SCD5: variants seen among roughly 807,000 people sequenced by gnomAD.
The protein encoded by SCD5 is acyl-CoA-desaturase 4.
SCD5 carries 20 observed loss-of-function variants against 30.4 expected under a neutral mutation model. The observed-to-expected ratio is 0.66, with a 90% CI of 0.46 to 0.96. The LOEUF (loss-of-function observed/expected upper bound fraction) is 0.96, where lower values mean the gene tolerates loss of function less well. Among genes scored for constraint, SCD5 ranks in the 40% least tolerant of loss-of-function variants. The pLI, the probability that SCD5 is intolerant of heterozygous loss-of-function variation, is 0.00. For missense variants in SCD5, 381 were observed against 443.3 expected, an observed-to-expected ratio of 0.86 and a Z score of 1.26; for synonymous variants, 173 against 176.4, an observed-to-expected ratio of 0.98 and a Z score of 0.16.
At chr4:82,776,563 G>A (rs1362715759) in intron 1 of SCD5, among the ~76,000 whole-genome samples, 6 of 152,148 alleles carry the variant, frequency 3.9e-5, no homozygotes, top group Admixed American at 2.0e-4. Context: ...CAAAGCATCC[G>A]AGGATTCACA....
chr4:82,723,399 G>A (rs1024212602), intron 1 of SCD5, among the ~76,000 whole-genome samples: 1 of 152,172 alleles, frequency 6.6e-6, no homozygotes, highest in Non-Finnish European at 1.5e-5. Context: ...TTGGGCAGCA[G>A]AGAACTTTTA....
chr4:82,781,576 C>T (rs1328980210), intron 1 of SCD5, among the ~76,000 whole-genome samples: 1 of 152,100 alleles, frequency 6.6e-6, no homozygotes, highest in Non-Finnish European at 1.5e-5. Flanking sequence ...AAACTTGATT[C>T]CCAGTGCCAC....
intron 1 of SCD5, among the ~76,000 whole-genome samples, chr4:82,730,710 C>T (rs559713207): frequency 4.6e-5 from 7 of 151,264 alleles, no homozygotes; most frequent in African/African-American, 1.5e-4. Context: ...CTCAGCCTCC[C>T]GAGTAGCTGG....
At chr4:82,661,280 G>C (rs191498020) in intron 3 of SCD5, among the ~76,000 whole-genome samples, 11 of 152,292 alleles carry the variant, frequency 7.2e-5, no homozygotes, top group Admixed American at 7.2e-4. Flanking sequence ...AAAAGGAAAA[G>C]CTCCTGGTAG....
rs556165278 is a variant in SCD5 at position 82,782,158 on chromosome 4, T to C, written c.232+16148A>G. Among the ~76,000 whole-genome samples, 4 of 151,108 alleles carry C rather than the reference T, an allele frequency of 2.6e-5. No homozygotes were observed. In the South Asian group the frequency reaches 8.5e-4, roughly 32 times the overall value. ...AATTTAGTCCCATGAAGAACTGCAC[T>C]GTGTCTCCGGCCTGCCTGAAAAAGG... On this transcript the variant is annotated intron_variant, in intron 1 of 4. Coordinates refer to ENST00000319540, the MANE Select transcript of SCD5 (RefSeq NM_001037582.3).
intron 1 of SCD5, among the ~76,000 whole-genome samples, chr4:82,778,662 C>T (rs1721804111): frequency 1.3e-5 from 2 of 152,134 alleles, no homozygotes; most frequent in Non-Finnish European, 2.9e-5. Flanking sequence ...CAAAGAAAGC[C>T]TTTAAATAAC....
At position 82,629,920 on chromosome 4, in the gene SCD5, G is replaced by A. The variant is rs1302849692; in HGVS notation, c.*1407C>T. 6.6e-6 allele frequency: 1 copy of A among 152,164 alleles called. No individual in the cohort carries two copies. Among genetic ancestry groups the A allele is most frequent in the Non-Finnish European group, 1.5e-5 (1 of 68,048 alleles). The allele number at this position is 152,164 out of a possible 1,614,324, so 9.4% of individuals were successfully genotyped here. ...AAGGCTGCATGCAGGTGAAACATTA[G>A]TAGACACGGAATTCTAGATAACTGT... On this transcript the variant is annotated 3_prime_UTR_variant, in exon 5 of 5. Coordinates refer to ENST00000319540, the MANE Select transcript of SCD5 (RefSeq NM_001037582.3).
At chr4:82,648,094 A>C (rs1320558121) in intron 3 of SCD5, among the ~76,000 whole-genome samples, 1 of 152,222 alleles carries the variant, frequency 6.6e-6, no homozygotes, top group African/African-American at 2.4e-5. Context: ...TGAGGCAGCT[A>C]ACAGGACAGT....
At chr4:82,668,398 T>C (rs1331986593) in intron 3 of SCD5, among the ~76,000 whole-genome samples, 1 of 152,160 alleles carries the variant, frequency 6.6e-6, no homozygotes, top group Non-Finnish European at 1.5e-5. Flanking sequence ...GAGTTTCCTC[T>C]TCCCACATTC....
chr4:82,713,362 T>C (rs549090863), intron 1 of SCD5, among the ~76,000 whole-genome samples: 1 of 152,312 alleles, frequency 6.6e-6, no homozygotes, highest in African/African-American at 2.4e-5. Flanking sequence ...AGCAGATCAC[T>C]AAGAAACACA....
intron 1 of SCD5, among the ~76,000 whole-genome samples, chr4:82,710,349 C>A (rs1720055410): frequency 6.6e-6 from 1 of 152,106 alleles, no homozygotes; most frequent in South Asian, 2.1e-4. Context: ...TCCATGGGGC[C>A]TCAGTAAATG....
intron 1 of SCD5, among the ~76,000 whole-genome samples, chr4:82,755,039 A>G (rs1172694590): frequency 6.6e-6 from 1 of 151,764 alleles, no homozygotes; most frequent in Admixed American, 6.6e-5. Flanking sequence ...ACCAGATGGG[A>G]AGAACTTGAT....
rs189511054 is a variant in SCD5 at position 82,732,507 on chromosome 4, T to A, written c.233-27094A>T. 1.4e-3 allele frequency among the ~76,000 whole-genome samples: 219 copies of A among 152,312 alleles called. 1 individual carries two copies. The highest frequency in any genetic ancestry group is 5.1e-3 in the African/African-American group (214 of 41,572). On this transcript the variant is annotated intron_variant, in intron 1 of 4. Transcript: ENST00000319540. Reference sequence around the variant, plus strand: ...ACTTCTGTCTTTTCACTTGCTTGCATCTCCCTCTCGTGGAAACAGGCCTAC... The same window carrying A: ...ACTTCTGTCTTTTCACTTGCTTGCAACTCCCTCTCGTGGAAACAGGCCTAC...
intron 3 of SCD5, among the ~76,000 whole-genome samples, chr4:82,647,126 T>A (rs1293467306): frequency 1.3e-5 from 2 of 152,152 alleles, no homozygotes; most frequent in South Asian, 2.1e-4. Context: ...CACTCAGCCA[T>A]CTCTACTTTT....
chr4:82,752,538 G>C (rs1211661585), intron 1 of SCD5, among the ~76,000 whole-genome samples: 1 of 152,168 alleles, frequency 6.6e-6, no homozygotes, highest in Non-Finnish European at 1.5e-5. Context: ...CTTAGCACCA[G>C]AAAGAGATGG....
At chr4:82,711,906 T>A (rs4693048) in intron 1 of SCD5, among the ~76,000 whole-genome samples, 1 of 151,666 alleles carries the variant, frequency 6.6e-6, no homozygotes, top group African/African-American at 2.4e-5. Flanking sequence ...TCTGATATTA[T>A]TTCATAAATA....
At chr4:82,656,179 T>C (rs1727863868) in intron 3 of SCD5, among the ~76,000 whole-genome samples, 1 of 152,140 alleles carries the variant, frequency 6.6e-6, no homozygotes, top group Admixed American at 6.5e-5. Flanking sequence ...ACACGTGCTA[T>C]GGTGGTTTGC....
At chr4:82,747,091 C>A (rs1174441757) in intron 1 of SCD5, among the ~76,000 whole-genome samples, 1 of 145,284 alleles carries the variant, frequency 6.9e-6, no homozygotes, top group African/African-American at 2.4e-5. Context: ...AGACGACCTT[C>A]CCACTCCATC....
At chr4:82,712,355 C>T (rs1720129254) in intron 1 of SCD5, among the ~76,000 whole-genome samples, 1 of 131,768 alleles carries the variant, frequency 7.6e-6, no homozygotes, top group African/African-American at 3.0e-5. Context: ...CGCCCAGGCT[C>T]CGCCCAGGCT....
Sources: allele counts gnomAD v4.1 joint callset (sites outside exome capture counted in the v4.1 genomes callset), GRCh38; gene constraint gnomAD v4.1.1; transcripts MANE v1.5; gene names NCBI Gene and HGNC (gene_info 2026-07-23, HGNC 2026-07-21).